The following FGGY variants were observed in gnomAD, a reference collection of about 807,000 sequenced individuals.
The protein encoded by FGGY is FGGY carbohydrate kinase domain-containing protein.
FGGY carries 72 observed loss-of-function variants against 71.3 expected under a neutral mutation model. The ratio of observed to expected loss-of-function variants is 1.01; its 90% CI spans 0.84 to 1.23. The LOEUF (loss-of-function observed/expected upper bound fraction) is 1.23. Ranked by LOEUF, FGGY falls within the 50% of genes most tolerant of loss-of-function variation. The pLI is 0.00. For synonymous variants in FGGY, 251 were observed against 250.3 expected (o/e 1.00, Z -0.02); for missense variants, 668 against 682.3 (o/e 0.98, Z 0.23).
Position 59,513,648 on chromosome 1 carries a change from G to C in FGGY, c.799+1209G>C, listed in dbSNP as rs548905667. Among the ~76,000 whole-genome samples the C allele has an allele frequency of 5.3e-4, 80 of 152,252 alleles. 1 individual carries two copies. Among genetic ancestry groups the C allele is most frequent in the Middle Eastern group, 6.8e-3 (2 of 294 alleles). On this transcript the variant is annotated intron_variant, in intron 7 of 15. Transcript: ENST00000303721. Reference sequence around the variant, plus strand: ...ATATATCTGCATGTCATTTCCATTAGAGTGTGAACTCCTTGAGAACAGGAA... The same window carrying C: ...ATATATCTGCATGTCATTTCCATTACAGTGTGAACTCCTTGAGAACAGGAA...
rs543411747 is a variant in FGGY, at chr1:59,575,656, T to C, written c.903+21429T>C. Among the ~76,000 whole-genome samples the C allele has an allele frequency of 2.0e-3, 310 of 152,312 alleles. 2 individuals are homozygous for C. The highest frequency in any genetic ancestry group is 7.0e-3 in the African/African-American group (292 of 41,578). On this transcript the variant is annotated intron_variant, in intron 8 of 15. Coordinates refer to ENST00000303721, the MANE Select transcript of FGGY (RefSeq NM_018291.5). ...GATCACATGGTAATTTGTCATTTTTTTGAGGAAACTCCATACTGTTTTACA... is the reference window on the plus strand; with the variant it reads ...GATCACATGGTAATTTGTCATTTTTCTGAGGAAACTCCATACTGTTTTACA...
chr1:59,494,148 G>A (rs970487747), intron 6 of FGGY, among the ~76,000 whole-genome samples: 8 of 152,172 alleles, frequency 5.3e-5, no homozygotes, highest in Non-Finnish European at 1.2e-4. Flanking sequence ...GTAGCAGTAA[G>A]CAAGACAGTA....
intron 14 of FGGY, among the ~76,000 whole-genome samples, chr1:59,713,988 C>T (rs901864647): frequency 1.3e-5 from 2 of 152,156 alleles, no homozygotes; most frequent in African/African-American, 2.4e-5. Flanking sequence ...TGTTTCTTAC[C>T]ATCATTAAGA....
At chr1:59,423,323 T>TA (rs201281810) in intron 5 of FGGY, among the ~76,000 whole-genome samples, 4,563 of 151,990 alleles carry the variant, frequency 0.03, 97 homozygotes, top group South Asian at 0.075. Flanking sequence ...CCATATCTGA[T>TA]TTTTTTTTCT....
At chr1:59,582,085 TAAAAA>T (rs748544442) in intron 8 of FGGY, among the ~76,000 whole-genome samples, 2 of 148,878 alleles carry the variant, frequency 1.3e-5, no homozygotes, top group Non-Finnish European at 2.9e-5. Flanking sequence ...CCTTCTCTCT[TAAAAA>T]GAAAAAAAAG....
At chr1:59,414,599 G>T (rs1021513890) in intron 5 of FGGY, among the ~76,000 whole-genome samples, 1 of 152,150 alleles carries the variant, frequency 6.6e-6, no homozygotes, top group African/African-American at 2.4e-5. Flanking sequence ...ATTTAAATGG[G>T]GTAATCCGAG....
chr1:59,629,224 TAATA>T (rs1553350679), intron 10 of FGGY, among the ~76,000 whole-genome samples: 60 of 151,990 alleles, frequency 3.9e-4, no homozygotes, highest in African/African-American at 1.2e-3. Context: ...AATGAATAAA[TAATA>T]AATAAATAAA....
intron 11 of FGGY, among the ~76,000 whole-genome samples, chr1:59,649,858 G>A (rs1251648024): frequency 1.4e-5 from 2 of 140,504 alleles, no homozygotes; most frequent in African/African-American, 6.0e-5. Context: ...TCCAGTTTTT[G>A]CCCATTCAGT....
intron 4 of FGGY, among the ~76,000 whole-genome samples, chr1:59,377,325 T>C (rs6666810): frequency 0.2 from 30,466 of 152,120 alleles, 3,772 homozygotes; most frequent in East Asian, 0.39. Context: ...TGACTCACAG[T>C]TCAGCATGGC....
intron 7 of FGGY, among the ~76,000 whole-genome samples, chr1:59,536,253 C>T (rs2095311694): frequency 1.3e-5 from 2 of 152,098 alleles, no homozygotes; most frequent in Non-Finnish European, 2.9e-5. Flanking sequence ...TTCCTCGACA[C>T]ATACACTTTC....
At chr1:59,719,476 A>G (rs1205027225) in intron 14 of FGGY, among the ~76,000 whole-genome samples, 5 of 152,206 alleles carry the variant, frequency 3.3e-5, no homozygotes, top group African/African-American at 9.6e-5. Context: ...AATTCTGTGA[A>G]ATGATATATG....
chr1:59,628,915 C>T (rs959914592), intron 10 of FGGY, among the ~76,000 whole-genome samples: 1 of 152,088 alleles, frequency 6.6e-6, no homozygotes, highest in African/African-American at 2.4e-5. Flanking sequence ...TAATAGTAAA[C>T]ATTTCATAAG....
At chr1:59,758,093 C>A in intron 15 of FGGY, 101 bp downstream of exon 15, 2 of 757,052 alleles carry the variant, frequency 2.6e-6, no homozygotes, top group Non-Finnish European at 4.2e-6. Context: ...TCAACTAATC[C>A]AGTCCTTTAA....
intron 14 of FGGY, among the ~76,000 whole-genome samples, chr1:59,722,835 C>T (rs2097908982): frequency 6.6e-6 from 1 of 152,150 alleles, no homozygotes; most frequent in African/African-American, 2.4e-5. Context: ...GTCTTGCTCT[C>T]ACCCAGGCTA....
chr1:59,317,915 T>G (rs1372938789), intron 1 of FGGY, among the ~76,000 whole-genome samples: 1 of 152,210 alleles, frequency 6.6e-6, no homozygotes, highest in Non-Finnish European at 1.5e-5. Flanking sequence ...GCAGGCCACC[T>G]GGTGTTGTGG....
At chr1:59,611,708 A>G (rs1048184953) in intron 9 of FGGY, among the ~76,000 whole-genome samples, 2 of 152,220 alleles carry the variant, frequency 1.3e-5, no homozygotes, top group Non-Finnish European at 2.9e-5. Flanking sequence ...TCCGAGCTAA[A>G]GGAGGAAGTT....
At chr1:59,368,795 T>TA (rs1339162297) in intron 4 of FGGY, among the ~76,000 whole-genome samples, 2 of 152,130 alleles carry the variant, frequency 1.3e-5, no homozygotes, top group Admixed American at 6.5e-5. Context: ...TAGCCTAATA[T>TA]AAAAAACTGC....
At chr1:59,516,617 C>T (rs2094660116) in intron 7 of FGGY, among the ~76,000 whole-genome samples, 1 of 152,206 alleles carries the variant, frequency 6.6e-6, no homozygotes, top group Non-Finnish European at 1.5e-5. Context: ...GGATTCACTA[C>T]TTTGTGATTC....
At chr1:59,569,490 C>T (rs2095942018) in intron 8 of FGGY, among the ~76,000 whole-genome samples, 1 of 152,122 alleles carries the variant, frequency 6.6e-6, no homozygotes, top group Admixed American at 6.6e-5. Flanking sequence ...TGCTGTCCTC[C>T]TCAGAACTGG....
Sources: allele counts gnomAD v4.1 joint callset (sites outside exome capture counted in the v4.1 genomes callset), GRCh38; gene constraint gnomAD v4.1.1; transcripts MANE v1.5; gene names NCBI Gene and HGNC (gene_info 2026-07-23, HGNC 2026-07-21).